SH3RF1: variants seen among roughly 807,000 people sequenced by gnomAD.
SH3RF1 encodes the protein SH3 domain containing ring finger 1.
In SH3RF1, 32 loss-of-function variants were observed where a neutral mutation model predicts 74.0. The ratio of observed to expected loss-of-function variants is 0.43; its 90% CI spans 0.33 to 0.58. The LOEUF is 0.58. Among genes scored for constraint, SH3RF1 ranks in the 20% least tolerant of loss-of-function variants. The probability of loss-of-function intolerance (pLI) is 0.05; values close to 1 mark genes in which losing one functional copy is unlikely to be tolerated. For synonymous variants in SH3RF1, 396 were observed against 439.6 expected, an observed-to-expected ratio of 0.90 and a Z score of 1.24; for missense variants, 954 against 1,130.9, an observed-to-expected ratio of 0.84 and a Z score of 2.24.
intron 2 of SH3RF1, among the ~76,000 whole-genome samples, chr4:169,180,319 G>A (rs1734487430): frequency 6.6e-6 from 1 of 152,200 alleles, no homozygotes; most frequent in Admixed American, 6.5e-5. Flanking sequence ...GAGAGTCTGA[G>A]GACTCGTGTT....
chr4:169,221,460 C>T (rs1432388091), intron 2 of SH3RF1, among the ~76,000 whole-genome samples: 1 of 151,732 alleles, frequency 6.6e-6, no homozygotes, highest in Non-Finnish European at 1.5e-5. Flanking sequence ...GGGTCTGATC[C>T]CTATGAAAGA....
At chr4:169,199,608 T>A (rs1390930881) in intron 2 of SH3RF1, among the ~76,000 whole-genome samples, 1 of 150,944 alleles carries the variant, frequency 6.6e-6, no homozygotes, top group African/African-American at 2.4e-5. Flanking sequence ...TGTGGCTTAG[T>A]GAATGCGCAA....
chr4:169,114,635 C>G (rs182535360), intron 10 of SH3RF1, among the ~76,000 whole-genome samples: 21 of 152,254 alleles, frequency 1.4e-4, no homozygotes, highest in Admixed American at 5.9e-4. Context: ...GACACATTGT[C>G]ATCAAGCCTT....
chr4:169,150,350 A>T (rs1733955554), intron 4 of SH3RF1, among the ~76,000 whole-genome samples: 1 of 152,202 alleles, frequency 6.6e-6, no homozygotes, highest in Non-Finnish European at 1.5e-5. Flanking sequence ...TTTCTTCTTA[A>T]CATTTTATTT....
intron 10 of SH3RF1, among the ~76,000 whole-genome samples, chr4:169,109,139 G>A (rs947166897): frequency 6.6e-6 from 1 of 152,222 alleles, no homozygotes; most frequent in African/African-American, 2.4e-5. Flanking sequence ...TAAGGTAGCA[G>A]TCAGCTGCAA....
chr4:169,139,642 T>C (rs1733752146), intron 4 of SH3RF1, among the ~76,000 whole-genome samples: 3 of 152,152 alleles, frequency 2.0e-5, no homozygotes, highest in African/African-American at 7.2e-5. Context: ...CCCATCTGGA[T>C]ATTGGGTACA....
chr4:169,134,971 A>G (rs1397193873), intron 5 of SH3RF1, among the ~76,000 whole-genome samples: 3 of 152,238 alleles, frequency 2.0e-5, no homozygotes, highest in Non-Finnish European at 4.4e-5. Context: ...CAAAACAACA[A>G]TCCCACAATC....
chr4:169,097,747 A>G (rs1015010283), intron 11 of SH3RF1, among the ~76,000 whole-genome samples: 3 of 152,032 alleles, frequency 2.0e-5, no homozygotes, highest in Non-Finnish European at 4.4e-5. Flanking sequence ...GTCTCCTCCT[A>G]TGATGCACAG....
chr4:169,095,730 T>C lies in SH3RF1; in HGVS notation c.*789A>G, dbSNP rs541809507. The C allele has an allele frequency of 6.6e-6, 1 of 152,664 alleles. No homozygotes were observed. Among genetic ancestry groups the C allele is most frequent in the Non-Finnish European group, 1.5e-5 (1 of 68,050 alleles). The allele number at this position is 152,664 out of a possible 1,614,324, so 9.5% of individuals were successfully genotyped here. ...CTTCTGCTATAAAACTAAATATATTTCTAAATACATTTTGTTCAAGGGTTG... is the reference window on the plus strand; with the variant it reads ...CTTCTGCTATAAAACTAAATATATTCCTAAATACATTTTGTTCAAGGGTTG... On this transcript the variant is annotated 3_prime_UTR_variant, in exon 12 of 12. Transcript: ENST00000284637.
chr4:169,128,453 C>A (rs1733562466), intron 6 of SH3RF1, among the ~76,000 whole-genome samples: 1 of 152,200 alleles, frequency 6.6e-6, no homozygotes, highest in Admixed American at 6.5e-5. Context: ...AAACAAAAAA[C>A]ACCTTTAACC....
chr4:169,109,257 C>T (rs773371853), intron 10 of SH3RF1, among the ~76,000 whole-genome samples: 6 of 152,168 alleles, frequency 3.9e-5, no homozygotes, highest in African/African-American at 1.2e-4. Context: ...CTCAGCAAGC[C>T]ACAGCTAAAG....
chr4:169,152,003 T>C (rs1733984234), intron 4 of SH3RF1, among the ~76,000 whole-genome samples: 1 of 152,242 alleles, frequency 6.6e-6, no homozygotes. Context: ...TCTTTCCTTC[T>C]ATTTTACAGA....
Position 169,156,584 on chromosome 4 carries a change from C to A in SH3RF1, c.489G>T (p.Leu163Phe). ...ACCAATTTTCATCCACTTGTCTTCG[C>A]AAAATGATGATGTCACCTTTGCTGA... ...LKFSKGDIIILRRQVDENWYH... is the reference protein window; with the variant it reads ...LKFSKGDIIIFRRQVDENWYH... Residue 163 changes from leucine to phenylalanine, a missense_variant, in exon 3 of 12, where the codon TTG (leucine) becomes TTT (phenylalanine). Leu to Phe is a conservative substitution (Grantham distance 22, BLOSUM62 0). Around this residue, in one of 3 missense-constraint regions of SH3RF1, gnomAD observed 854 missense variants for 962.5 expected, o/e 0.89. Transcript: ENST00000284637. 1 of 1,614,004 alleles carries A rather than the reference C, an allele frequency of 6.2e-7. No individual in the cohort carries two copies. Among genetic ancestry groups the A allele is most frequent in the Non-Finnish European group, 8.5e-7 (1 of 1,179,964 alleles).
rs750460686 is a variant in SH3RF1 at position 169,122,147 on chromosome 4, T to C, written c.1299A>G (p.Gly433=). Residue 433 remains glycine, a synonymous_variant, in exon 7 of 12, where the codon GGA becomes GGG. Coordinates refer to ENST00000284637, the MANE Select transcript of SH3RF1 (RefSeq NM_020870.4). ...AAGMGPRPMA[G]STDQIAHLRP... Reference sequence around the variant, plus strand: ...GTAAATGTGCAATCTGGTCAGTGGATCCTGCCATGGGCCTCGGTCCCATTC... The same window carrying C: ...GTAAATGTGCAATCTGGTCAGTGGACCCTGCCATGGGCCTCGGTCCCATTC... 1.9e-6 allele frequency: 3 copies of C among 1,613,184 alleles called. No homozygotes were observed. The South Asian group carries it at 3.3e-5, about 18-fold the overall frequency.
chr4:169,097,099 G>T (rs912506929), intron 11 of SH3RF1, among the ~76,000 whole-genome samples: 1 of 152,130 alleles, frequency 6.6e-6, no homozygotes. Context: ...TGAGCAGGGG[G>T]GGTTCAGTCC....
chr4:169,124,593 C>T (rs1410538648), intron 6 of SH3RF1, among the ~76,000 whole-genome samples: 1 of 152,156 alleles, frequency 6.6e-6, no homozygotes, highest in Non-Finnish European at 1.5e-5. Context: ...GATCTTTTCC[C>T]AGTGCATGCA....
intron 4 of SH3RF1, among the ~76,000 whole-genome samples, chr4:169,137,094 G>T (rs1378251032): frequency 1.3e-5 from 2 of 152,126 alleles, no homozygotes; most frequent in Non-Finnish European, 2.9e-5. Context: ...AGAAGACAAA[G>T]AATAAAACCA....
intron 2 of SH3RF1, among the ~76,000 whole-genome samples, chr4:169,206,721 G>A (rs1403032210): frequency 2.6e-5 from 4 of 152,028 alleles, no homozygotes; most frequent in African/African-American, 9.7e-5. Context: ...GGTGCACAGA[G>A]GAAAACACAC....
chr4:169,229,304 T>A (rs1484326497), intron 2 of SH3RF1, among the ~76,000 whole-genome samples: 1 of 152,200 alleles, frequency 6.6e-6, no homozygotes, highest in East Asian at 1.9e-4. Context: ...CTCCAATACT[T>A]TTGTAGGTCA....
Sources: allele counts gnomAD v4.1 joint callset (sites outside exome capture counted in the v4.1 genomes callset), GRCh38; gene constraint gnomAD v4.1.1; regional missense constraint gnomAD v4.1.1; transcripts MANE v1.5; gene names NCBI Gene and HGNC (gene_info 2026-07-23, HGNC 2026-07-21).